Variants in RARB observed in about 807,000 individuals in gnomAD.
RARB encodes the protein retinoic acid receptor beta.
RARB carries 17 observed loss-of-function variants against 51.9 expected under a neutral mutation model. The ratio of observed to expected loss-of-function variants is 0.33; its 90% CI spans 0.22 to 0.49. The LOEUF (loss-of-function observed/expected upper bound fraction) is 0.49. Ranked by LOEUF, RARB falls within the 20% of genes least tolerant of loss-of-function variation. RARB has a pLI of 0.99. For synonymous variants in RARB, 215 were observed against 195.4 expected (o/e 1.10, Z -0.84); for missense variants, 369 against 550.8 (o/e 0.67, Z 3.30).
At chr3:25,257,818 G>T (rs1434465807) in intron 5 of RARB, among the ~76,000 whole-genome samples, 2 of 151,714 alleles carry the variant, frequency 1.3e-5, no homozygotes, top group Admixed American at 1.3e-4. Context: ...AGCCCTCTTT[G>T]TTACCTAGTC....
At chr3:25,009,684 A>G (rs1697353101) in intron 2 of RARB, among the ~76,000 whole-genome samples, 1 of 151,932 alleles carries the variant, frequency 6.6e-6, no homozygotes, top group African/African-American at 2.4e-5. Context: ...CTCCAACCTT[A>G]CCACAGCTGA....
chr3:25,288,482 G>T (rs1353258400), intron 5 of RARB, among the ~76,000 whole-genome samples: 1 of 152,134 alleles, frequency 6.6e-6, no homozygotes, highest in African/African-American at 2.4e-5. Context: ...TGGTATTTTT[G>T]CTGCCACTTG....
chr3:25,003,705 T>C (rs775787613), intron 2 of RARB, among the ~76,000 whole-genome samples: 18 of 152,132 alleles, frequency 1.2e-4, no homozygotes, highest in Non-Finnish European at 2.1e-4. Flanking sequence ...GATTGAGTAT[T>C]TACTGAAGAT....
chr3:25,155,886 A>G (rs1700365399), intron 4 of RARB, among the ~76,000 whole-genome samples: 1 of 152,086 alleles, frequency 6.6e-6, no homozygotes, highest in Non-Finnish European at 1.5e-5. Context: ...TTTTTACATG[A>G]TAGCTTCCCT....
chr3:25,019,210 G>A (rs1481500302), intron 2 of RARB, among the ~76,000 whole-genome samples: 9 of 152,086 alleles, frequency 5.9e-5, no homozygotes, highest in Admixed American at 5.2e-4. Context: ...TAGGATTGTG[G>A]AATGTTATTG....
chr3:25,554,998 C>T lies in RARB; in HGVS notation c.449-14760C>T, dbSNP rs112959485. ...TCTACTCCTGATGGCAGAGCACTCT[C>T]GGTCCAATCACTTCTTAAAGGCTTC... On this transcript the variant is annotated intron_variant, in intron 3 of 7. Coordinates refer to ENST00000330688, the MANE Select transcript of RARB (RefSeq NM_000965.5). 8.7e-3 allele frequency among the ~76,000 whole-genome samples: 1,330 copies of T among 152,274 alleles called. 20 individuals are homozygous for T. Among genetic ancestry groups the T allele is most frequent in the African/African-American group, 0.031 (1,278 of 41,552 alleles).
intron 5 of RARB, among the ~76,000 whole-genome samples, chr3:25,209,376 G>T (rs182705796): frequency 3.4e-4 from 52 of 152,334 alleles, no homozygotes; most frequent in African/African-American, 9.9e-4. Flanking sequence ...AGACACTACA[G>T]AGTTTATTCT....
intron 2 of RARB, among the ~76,000 whole-genome samples, chr3:24,904,278 C>G (rs570455209): frequency 6.8e-6 from 1 of 148,018 alleles, no homozygotes; most frequent in Non-Finnish European, 1.5e-5. Context: ...AAACAGACAC[C>G]ACGATGGGAT....
intron 5 of RARB, among the ~76,000 whole-genome samples, chr3:25,337,209 A>G (rs1705089459): frequency 1.3e-5 from 2 of 152,106 alleles, no homozygotes; most frequent in Non-Finnish European, 2.9e-5. Flanking sequence ...TTTTCTTACC[A>G]ACCCCCACCC....
chr3:25,037,347 T>C (rs1698019130), intron 2 of RARB, among the ~76,000 whole-genome samples: 1 of 151,736 alleles, frequency 6.6e-6, no homozygotes, highest in Non-Finnish European at 1.5e-5. Flanking sequence ...TGTGGTGAAG[T>C]CAAATTCAGG....
At chr3:25,509,052 G>A (rs1321509017) in intron 3 of RARB, among the ~76,000 whole-genome samples, 6 of 152,122 alleles carry the variant, frequency 3.9e-5, no homozygotes, top group Admixed American at 1.3e-4. Context: ...CTGGAGAGGG[G>A]ACACTCAGTA....
intron 3 of RARB, among the ~76,000 whole-genome samples, chr3:25,092,423 G>C (rs1699215012): frequency 6.6e-6 from 1 of 152,058 alleles, no homozygotes; most frequent in South Asian, 2.1e-4. Flanking sequence ...CTGCTAATTT[G>C]TAAGTAGGGA....
At position 25,505,976 on chromosome 3, in the gene RARB, G is replaced by C. The variant is rs186875934; in HGVS notation, c.448+4653G>C. Among the ~76,000 whole-genome samples, 73 of 152,292 alleles carry C rather than the reference G, an allele frequency of 4.8e-4. 1 individual carries two copies. In the East Asian group the frequency reaches 0.013, roughly 27 times the overall value. On this transcript the variant is annotated intron_variant, in intron 3 of 7. Transcript: ENST00000330688. ...GGGAAAGAAGATTTAAGATGATACT[G>C]TTTAGAAACCATGGGAGTAAAGCCC...
chr3:25,181,319 G>A (rs1302721938), intron 5 of RARB, among the ~76,000 whole-genome samples: 1 of 152,136 alleles, frequency 6.6e-6, no homozygotes, highest in Non-Finnish European at 1.5e-5. Context: ...TACTATGCAT[G>A]TCTTATTCTG....
intron 1 of RARB, among the ~76,000 whole-genome samples, chr3:24,838,559 G>A (rs1188064420): frequency 6.6e-6 from 1 of 152,174 alleles, no homozygotes; most frequent in African/African-American, 2.4e-5. Context: ...ACAAAGCAAT[G>A]ATGTTCTAGT....
At chr3:25,283,348 T>C (rs1356056700) in intron 5 of RARB, among the ~76,000 whole-genome samples, 1 of 151,716 alleles carries the variant, frequency 6.6e-6, no homozygotes, top group Non-Finnish European at 1.5e-5. Flanking sequence ...GTGGGCCTCT[T>C]CCATGGCAGG....
chr3:25,098,725 C>G (rs1406553742), intron 3 of RARB, among the ~76,000 whole-genome samples: 7 of 152,146 alleles, frequency 4.6e-5, no homozygotes, highest in Admixed American at 4.6e-4. Context: ...CCCACACAGC[C>G]TTAAATATTT....
At chr3:24,998,713 TTTTC>T (rs1279308084) in intron 2 of RARB, among the ~76,000 whole-genome samples, 7 of 152,154 alleles carry the variant, frequency 4.6e-5, no homozygotes, top group Non-Finnish European at 8.8e-5. Flanking sequence ...GATTTTCCTT[TTTTC>T]TTTCTCAGAA....
intron 1 of RARB, among the ~76,000 whole-genome samples, chr3:25,454,413 T>C (rs954735378): frequency 1.3e-5 from 2 of 152,244 alleles, no homozygotes; most frequent in African/African-American, 2.4e-5. Context: ...CTTAATTAGC[T>C]GAAATTACTC....
Sources: allele counts gnomAD v4.1 joint callset (sites outside exome capture counted in the v4.1 genomes callset), GRCh38; gene constraint gnomAD v4.1.1; transcripts MANE v1.5; gene names NCBI Gene and HGNC (gene_info 2026-07-23, HGNC 2026-07-21).